ELAPOR2: variants seen among roughly 807,000 people sequenced by gnomAD.
ELAPOR2 encodes the protein endosome-lysosome associated apoptosis and autophagy regulator family member 2.
A neutral mutation model predicts 120.7 loss-of-function variants in ELAPOR2; 89 were observed. The ratio of observed to expected loss-of-function variants is 0.74; its 90% CI spans 0.62 to 0.88. The LOEUF is 0.88. Ranked by LOEUF, ELAPOR2 falls within the 40% of genes least tolerant of loss-of-function variation. ELAPOR2 has a pLI of 0.00. For synonymous variants in ELAPOR2, 444 were observed against 444.9 expected (o/e 1.00, Z 0.03); for missense variants, 1,134 against 1,251.6 (o/e 0.91, Z 1.42).
At chr7:86,915,708 T>C (rs993085526) in intron 12 of ELAPOR2, among the ~76,000 whole-genome samples, 2 of 149,658 alleles carry the variant, frequency 1.3e-5, no homozygotes, top group Admixed American at 1.4e-4. Flanking sequence ...GGCAATAAGG[T>C]TTCATGAGCT....
In ELAPOR2 at chr7:86,919,278, C is replaced by G; in HGVS notation, c.1432G>C (p.Gly478Arg). The part of the protein sequence containing the change: ...WEVAGDHIQS[G>R]AGGSDNDYLI... ...TAATCATTGTCAGAACCTCCAGCCCCACTCTGGATATGATCTCCAGCCACC... is the reference window on the plus strand; with the variant it reads ...TAATCATTGTCAGAACCTCCAGCCCGACTCTGGATATGATCTCCAGCCACC... The change falls in exon 11 of 22, where the codon GGG becomes CGG. Residue 478 changes from glycine to arginine, a missense_variant. By Grantham distance (125) the Gly-to-Arg change is moderately radical (BLOSUM62 -2). This residue lies in a region of ELAPOR2 where 831 missense variants were observed against 867.6 expected (regional missense o/e 0.96). Coordinates refer to ENST00000450689, the MANE Select transcript of ELAPOR2 (RefSeq NM_001142749.3). 3.7e-6 allele frequency: 6 copies of G among 1,611,394 alleles called. No individual in the cohort carries two copies. Among genetic ancestry groups the G allele is most frequent in the Non-Finnish European group, 2.5e-6 (3 of 1,178,460 alleles).
At chr7:87,044,995 A>G (rs1371581660) in intron 1 of ELAPOR2, among the ~76,000 whole-genome samples, 1 of 145,260 alleles carries the variant, frequency 6.9e-6, no homozygotes, top group Non-Finnish European at 1.5e-5. Context: ...CAGCCAAAAA[A>G]CACATGAAAA....
Position 86,905,070 on chromosome 7 carries a change from AGAAGGAAGGAAGGAAGGAAGGAAG to A in ELAPOR2, c.2558+2576_2558+2599del, listed in dbSNP as rs201126011. The stretch of plus-strand genomic sequence containing the variant: ...GAATGAATGAGAAAGACAGAGAGAG[AGAAGGAAGGAAGGAAGGAAGGAAG>A]GAAGGAAGGAAGGAAGGAAGGAAGG... On this transcript the variant is annotated intron_variant, in intron 18 of 21. Transcript: ENST00000450689. Among the ~76,000 whole-genome samples, 148 of 98,196 alleles carry A rather than the reference AGAAGGAAGGAAGGAAGGAAGGAAG, an allele frequency of 1.5e-3. 3 individuals are homozygous for A. The South Asian group carries it at 0.038, about 25-fold the overall frequency. 64.4% of individuals were successfully genotyped at this position (98,196 alleles called of 152,430 possible). A position where few individuals can be genotyped will look rare whatever the true frequency, so the allele number is the denominator to read the frequency against.
rs1341066995 is a variant in ELAPOR2, at chr7:86,918,434, C to T, written c.1593+8G>A. The T allele has an allele frequency of 2.5e-6, 4 of 1,586,090 alleles. No individual in the cohort carries two copies. In the Admixed American group the frequency reaches 5.0e-5, roughly 20 times the overall value. Reference sequence around the variant, plus strand: ...AAATCTGCCTTTGAAAGCCGCCCGTCCACTTACCACCATGAAGTACAAAAC... The same window carrying T: ...AAATCTGCCTTTGAAAGCCGCCCGTTCACTTACCACCATGAAGTACAAAAC... On this transcript the variant is annotated splice_region_variant and intron_variant, in intron 12 of 21. Coordinates refer to ENST00000450689, the MANE Select transcript of ELAPOR2 (RefSeq NM_001142749.3).
chr7:86,898,453 T>C (rs1392543285), intron 18 of ELAPOR2, among the ~76,000 whole-genome samples: 2 of 150,558 alleles, frequency 1.3e-5, no homozygotes. Flanking sequence ...CCCTGAATAC[T>C]CTAAACACCA....
chr7:86,985,979 C>T (rs1792716266), intron 1 of ELAPOR2, among the ~76,000 whole-genome samples: 1 of 152,058 alleles, frequency 6.6e-6, no homozygotes, highest in Non-Finnish European at 1.5e-5. Flanking sequence ...AAACTGGAAG[C>T]ATTCCCTTGG....
At chr7:86,929,811 G>A (rs142380538) in intron 8 of ELAPOR2, among the ~76,000 whole-genome samples, 2 of 151,858 alleles carry the variant, frequency 1.3e-5, no homozygotes, top group Non-Finnish European at 1.5e-5. Context: ...CCCCCTTGCT[G>A]TTCTTGTGAT....
At position 86,877,760 on chromosome 7, in the gene ELAPOR2, A is replaced by G. The variant is rs1799223166; in HGVS notation, c.*2711T>C. The G allele has an allele frequency of 6.6e-6, 1 of 152,186 alleles. No homozygotes were observed. Among genetic ancestry groups the G allele is most frequent in the Admixed American group, 6.5e-5 (1 of 15,272 alleles). 9.4% of individuals were successfully genotyped at this position (152,186 alleles called of 1,614,324 possible). On this transcript the variant is annotated 3_prime_UTR_variant, in exon 22 of 22. Coordinates refer to ENST00000450689, the MANE Select transcript of ELAPOR2 (RefSeq NM_001142749.3). ...CCCAAGTAATTCTTCCACATAATCA[A>G]TTTAAACAACCTTTTTTCTTTGGGA...
At chr7:86,964,119 T>A (rs576314021) in intron 2 of ELAPOR2, among the ~76,000 whole-genome samples, 12 of 152,172 alleles carry the variant, frequency 7.9e-5, no homozygotes, top group Non-Finnish European at 1.6e-4. Flanking sequence ...ACAGAAAAAC[T>A]AAGCTTTTAG....
At chr7:86,914,670 AGG>A in intron 13 of ELAPOR2, 51 bp downstream of exon 13, 1 of 1,502,180 alleles carries the variant, frequency 6.7e-7, no homozygotes, top group Non-Finnish European at 9.0e-7. Flanking sequence ...CATCTCCACA[AGG>A]GGGCATCATT....
intron 1 of ELAPOR2, among the ~76,000 whole-genome samples, chr7:86,967,333 G>A (rs1459574473): frequency 2.0e-5 from 3 of 151,984 alleles, no homozygotes; most frequent in East Asian, 1.9e-4. Flanking sequence ...GGTGGTGTGC[G>A]CTTCCCAGCT....
intron 1 of ELAPOR2, among the ~76,000 whole-genome samples, chr7:87,049,286 A>AT (rs1208107312): frequency 0.016 from 824 of 52,590 alleles, 7 homozygotes; most frequent in African/African-American, 0.055. Flanking sequence ...TATTTTATTT[A>AT]TTTATTTTTT....
At chr7:87,017,323 C>G (rs1363404816) in intron 1 of ELAPOR2, among the ~76,000 whole-genome samples, 2 of 152,204 alleles carry the variant, frequency 1.3e-5, no homozygotes, top group East Asian at 3.9e-4. Context: ...AAGTAGAAAA[C>G]AGTCTAAATG....
chr7:86,954,611 C>T (rs1791397502), intron 2 of ELAPOR2, among the ~76,000 whole-genome samples: 2 of 152,110 alleles, frequency 1.3e-5, no homozygotes, highest in African/African-American at 4.8e-5. Context: ...CTGGGAACAA[C>T]ATTGTGGCTT....
chr7:86,918,323 CAA>C (rs370415220), intron 12 of ELAPOR2, 117 bp downstream of exon 12: 15,976 of 169,772 alleles, frequency 0.094, no homozygotes, highest in South Asian at 0.14. Context: ...CTAAGAATAG[CAA>C]AAAAAAAAAA....
rs1229059071 is a variant in ELAPOR2 at position 87,059,588 on chromosome 7, G to C, written c.-75C>G. ...GTGCGGCGGCAGCTCCGGCTCCCGG[G>C]CCGCGACTGCTGTGCGCTCGTCTCG... On this transcript the variant is annotated 5_prime_UTR_variant, in exon 1 of 22. Transcript: ENST00000450689. The C allele has an allele frequency of 8.9e-7, 1 of 1,127,738 alleles. No individual in the cohort carries two copies. Among genetic ancestry groups the C allele is most frequent in the Non-Finnish European group, 1.1e-6 (1 of 922,428 alleles). The allele number at this position is 1,127,738 out of a possible 1,614,324, so 69.9% of individuals were successfully genotyped here. A position where few individuals can be genotyped will look rare whatever the true frequency, so the allele number is the denominator to read the frequency against.
chr7:86,877,769 AC>A lies in ELAPOR2; in HGVS notation c.*2701del. Reference sequence around the variant, plus strand: ...TTCTTCCACATAATCAATTTAAACAACCTTTTTTCTTTGGGAAGAAAATAAG... The same window carrying A: ...TTCTTCCACATAATCAATTTAAACAACTTTTTTCTTTGGGAAGAAAATAAG... On this transcript the variant is annotated 3_prime_UTR_variant, in exon 22 of 22. Coordinates refer to ENST00000450689, the MANE Select transcript of ELAPOR2 (RefSeq NM_001142749.3). The A allele has an allele frequency of 6.6e-6, 1 of 152,134 alleles. No individual in the cohort carries two copies. The highest frequency in any genetic ancestry group is 1.5e-5 in the Non-Finnish European group (1 of 68,014). The allele number at this position is 152,134 out of a possible 1,614,324, so 9.4% of individuals were successfully genotyped here.
intron 10 of ELAPOR2, among the ~76,000 whole-genome samples, chr7:86,924,217 T>C (rs1327888282): frequency 6.6e-6 from 1 of 152,106 alleles, no homozygotes; most frequent in African/African-American, 2.4e-5. Flanking sequence ...TTTCATTTAA[T>C]CATTGATCAT....
chr7:86,961,494 A>G (rs569358961), intron 2 of ELAPOR2, among the ~76,000 whole-genome samples: 1 of 152,318 alleles, frequency 6.6e-6, no homozygotes, highest in East Asian at 1.9e-4. Context: ...CCCTACTTAT[A>G]CCCCAGATCA....
Sources: gnomAD v4.1 joint callset for allele counts (sites outside exome capture counted in the v4.1 genomes callset) on GRCh38, gnomAD v4.1.1 for gene constraint, gnomAD v4.1.1 regional missense constraint, MANE v1.5 for transcripts, NCBI Gene and HGNC (gene_info 2026-07-23, HGNC 2026-07-21) for gene names.